Variants in RBFOX1 observed in about 807,000 individuals in gnomAD.
RBFOX1 encodes the protein RNA binding protein fox-1 homolog 1.
Under a neutral mutation model 57.7 loss-of-function variants are expected in RBFOX1, and 8 were observed. That is an observed-to-expected ratio of 0.14 (90% confidence interval 0.08 to 0.25). RBFOX1 has a LOEUF of 0.25. Ranked by LOEUF, RBFOX1 falls within the 10% of genes least tolerant of loss-of-function variation. The pLI is 1.00. For synonymous variants in RBFOX1, 326 were observed against 222.4 expected, an observed-to-expected ratio of 1.47 and a Z score of -4.15; for missense variants, 611 against 548.5, an observed-to-expected ratio of 1.11 and a Z score of -1.14.
intron 2 of RBFOX1, among the ~76,000 whole-genome samples, chr16:6,468,074 C>T (rs1240579953): frequency 6.6e-6 from 1 of 151,956 alleles, no homozygotes; most frequent in Non-Finnish European, 1.5e-5. Context: ...TGGGGGAATA[C>T]GGAGTGGGGA....
At chr16:6,272,406 C>G (rs2075307051) in intron 1 of RBFOX1, among the ~76,000 whole-genome samples, 1 of 151,944 alleles carries the variant, frequency 6.6e-6, no homozygotes, top group South Asian at 2.1e-4. Flanking sequence ...AAATTTTAAC[C>G]AAATACAACT....
chr16:7,661,311 T>C (rs992916166), intron 12 of RBFOX1, among the ~76,000 whole-genome samples: 9 of 152,296 alleles, frequency 5.9e-5, no homozygotes, highest in African/African-American at 2.2e-4. Context: ...GCTACAATCA[T>C]CTTTTTGCTG....
intron 3 of RBFOX1, among the ~76,000 whole-genome samples, chr16:6,974,326 TTTTC>T (rs2086278107): frequency 1.4e-5 from 2 of 143,708 alleles, no homozygotes; most frequent in Admixed American, 7.2e-5. Context: ...AATCACATTT[TTTTC>T]TTTTTCTTTT....
chr16:7,706,276 A>G (rs1386968686), intron 14 of RBFOX1, among the ~76,000 whole-genome samples: 1 of 152,216 alleles, frequency 6.6e-6, no homozygotes, highest in Non-Finnish European at 1.5e-5. Context: ...TTTATTAATC[A>G]TAATAAAACC....
At chr16:6,758,027 C>G (rs898805516) in intron 3 of RBFOX1, among the ~76,000 whole-genome samples, 4 of 152,120 alleles carry the variant, frequency 2.6e-5, no homozygotes, top group Non-Finnish European at 5.9e-5. Context: ...AACTGTCACA[C>G]TTTTAAGAAG....
At chr16:6,256,267 A>G (rs112573455) in intron 1 of RBFOX1, among the ~76,000 whole-genome samples, 1 of 125,504 alleles carries the variant, frequency 8.0e-6, no homozygotes, top group African/African-American at 3.5e-5. Context: ...GTGTATATAT[A>G]TATGTATATA....
intron 3 of RBFOX1, among the ~76,000 whole-genome samples, chr16:6,814,909 T>G (rs2154269518): frequency 6.6e-6 from 1 of 152,022 alleles, no homozygotes; most frequent in South Asian, 2.1e-4. Context: ...GTCCATAGAG[T>G]AAAATGAAAG....
At chr16:6,147,471 A>C (rs1442405192) in intron 1 of RBFOX1, among the ~76,000 whole-genome samples, 1 of 152,102 alleles carries the variant, frequency 6.6e-6, no homozygotes, top group Non-Finnish European at 1.5e-5. Context: ...TAATTCACTC[A>C]TGGGTCAAAG....
Position 5,680,893 on chromosome 16 carries a change from T to TTG in RBFOX1, c.318+81951_318+81952dup, listed in dbSNP as rs34949358. On this transcript the variant is annotated intron_variant, in intron 3 of 19. Transcript: ENST00000641259. ...GTTCCTTGCCCTATAGAGCTTGTAT[T>TTG]TGTGTGTGTGTGTGTGTGTGCTTGG... 1.2e-3 allele frequency among the ~76,000 whole-genome samples: 181 copies of TTG among 150,186 alleles called. 1 individual carries two copies. Among genetic ancestry groups the TTG allele is most frequent in the African/African-American group, 1.6e-3 (67 of 40,972 alleles).
intron 3 of RBFOX1, among the ~76,000 whole-genome samples, chr16:6,924,513 G>A (rs1194007613): frequency 6.6e-6 from 1 of 151,830 alleles, no homozygotes; most frequent in East Asian, 1.9e-4. Flanking sequence ...TTCCCTCCAG[G>A]CCCACCTCCA....
At chr16:7,705,185 G>A (rs1017503819) in intron 14 of RBFOX1, among the ~76,000 whole-genome samples, 1 of 152,090 alleles carries the variant, frequency 6.6e-6, no homozygotes, top group Admixed American at 6.6e-5. Context: ...GCAGAGAATG[G>A]ATTTGCATGT....
At chr16:6,778,302 G>C (rs925849006) in intron 3 of RBFOX1, among the ~76,000 whole-genome samples, 1 of 152,156 alleles carries the variant, frequency 6.6e-6, no homozygotes, top group Non-Finnish European at 1.5e-5. Context: ...CAAAAGTAGA[G>C]AATAGTAACA....
chr16:6,218,602 G>A (rs901285153), intron 1 of RBFOX1, among the ~76,000 whole-genome samples: 3 of 152,072 alleles, frequency 2.0e-5, no homozygotes, highest in Non-Finnish European at 2.9e-5. Flanking sequence ...GCACCACTGC[G>A]CCGGCCTTAG....
chr16:7,644,185 C>A (rs115108643), intron 11 of RBFOX1, among the ~76,000 whole-genome samples: 1 of 152,064 alleles, frequency 6.6e-6, no homozygotes, highest in Non-Finnish European at 1.5e-5. Flanking sequence ...TGGTTCAAAC[C>A]GCTGGGTGAG....
At chr16:7,411,890 C>T (rs1193539481) in intron 4 of RBFOX1, among the ~76,000 whole-genome samples, 2 of 86,054 alleles carry the variant, frequency 2.3e-5, no homozygotes, top group Non-Finnish European at 4.3e-5. Flanking sequence ...ACAACAAGAG[C>T]AAAACTCCTT....
intron 14 of RBFOX1, among the ~76,000 whole-genome samples, chr16:7,703,724 G>A (rs974845204): frequency 4.6e-5 from 7 of 152,068 alleles, no homozygotes; most frequent in African/African-American, 9.7e-5. Flanking sequence ...TAACAAACAC[G>A]GGTTTATATT....
intron 3 of RBFOX1, among the ~76,000 whole-genome samples, chr16:5,655,388 C>G (rs1048370758): frequency 6.6e-6 from 1 of 152,194 alleles, no homozygotes; most frequent in African/African-American, 2.4e-5. Context: ...GCATCACAGA[C>G]TTTCTCCTGC....
intron 1 of RBFOX1, among the ~76,000 whole-genome samples, chr16:5,359,947 T>G (rs2065497265): frequency 6.6e-6 from 1 of 152,188 alleles, no homozygotes; most frequent in Non-Finnish European, 1.5e-5. Flanking sequence ...TTTTTTTCTC[T>G]GTCCTCACCT....
At chr16:5,382,888 G>C (rs1380079077) in intron 1 of RBFOX1, among the ~76,000 whole-genome samples, 1 of 152,190 alleles carries the variant, frequency 6.6e-6, no homozygotes, top group Non-Finnish European at 1.5e-5. Context: ...CAAAGCTTAA[G>C]TCTCCTTTTA....
Sources: allele counts gnomAD v4.1 joint callset (sites outside exome capture counted in the v4.1 genomes callset), GRCh38; gene constraint gnomAD v4.1.1; transcripts MANE v1.5; gene names NCBI Gene and HGNC (gene_info 2026-07-23, HGNC 2026-07-21).